The following RGPD2 variants were observed in gnomAD, a reference collection of about 807,000 sequenced individuals.
RGPD2 encodes the protein RANBP2 like and GRIP domain containing 2, also known as RANBP2-like and GRIP domain-containing protein 2.
Under a neutral mutation model 36.0 loss-of-function variants are expected in RGPD2, and 2 were observed. The ratio of observed to expected loss-of-function variants is 0.06; its 90% CI spans 0.02 to 0.17. RGPD2 has a LOEUF of 0.17. Ranked by LOEUF, RGPD2 falls within the 10% of genes least tolerant of loss-of-function variation. RGPD2 has a pLI of 1.00. For synonymous variants in RGPD2, 19 were observed against 163.8 expected (o/e 0.12, Z 6.75); for missense variants, 40 against 464.3 (o/e 0.09, Z 8.40).
chr2:87,974,507 C>T, the RGPD2 span, among the ~76,000 whole-genome samples: 1 of 152,222 alleles, frequency 6.6e-6, no homozygotes, highest in African/African-American at 2.4e-5. Flanking sequence ...CTTTTCTCCT[C>T]CCTTGGTTTA....
chr2:87,877,337 G>A, the RGPD2 span, among the ~76,000 whole-genome samples: 2 of 152,344 alleles, frequency 1.3e-5, no homozygotes, highest in African/African-American at 4.8e-5. Flanking sequence ...GTAGTGTTTG[G>A]TAATGGTTTC....
chr2:87,913,208 C>G, the RGPD2 span, among the ~76,000 whole-genome samples: 5 of 151,920 alleles, frequency 3.3e-5, no homozygotes, highest in Admixed American at 3.3e-4. Flanking sequence ...GAATACTATG[C>G]AGCCATAAAA....
intron 1 of RGPD2, among the ~76,000 whole-genome samples, 146 bp downstream of exon 1, chr2:87,825,483 CGCCGCCGCCCGGCCGAGGCCGAGGCCGAG>C (rs1257202234): frequency 0.064 from 5,439 of 84,884 alleles, 641 homozygotes; most frequent in Non-Finnish European, 0.082. Context: ...CCGTCGCCGC[CGCCGCCGCCCGGCCGAGGCCGAGGCCGAG>C]GCCGCCGCCC....
chr2:87,825,533 G>A (rs1218026986), intron 1 of RGPD2, 125 bp downstream of exon 1: 1 of 498,680 alleles, frequency 2.0e-6, no homozygotes, highest in Admixed American at 2.8e-4. Context: ...GGCCGAGGCC[G>A]AGGCCGAGGC....
the RGPD2 span, among the ~76,000 whole-genome samples, chr2:87,957,784 G>A: frequency 1.9e-4 from 29 of 152,244 alleles, no homozygotes; most frequent in Admixed American, 9.8e-4. Context: ...GTTTATTGTT[G>A]TGCATTTTTG....
At chr2:87,761,073 GCTCA>G (rs1318573063) in intron 22 of RGPD2, among the ~76,000 whole-genome samples, 3 of 55,546 alleles carry the variant, frequency 5.4e-5, no homozygotes, top group Non-Finnish European at 1.0e-4. Context: ...ATCTCTTTGA[GCTCA>G]CTGATTCTTT....
the RGPD2 span, among the ~76,000 whole-genome samples, chr2:87,877,876 A>G: frequency 7.0e-6 from 1 of 143,214 alleles, no homozygotes; most frequent in East Asian, 2.3e-4. Flanking sequence ...TGGCTTTTAG[A>G]GTTTCTGCTG....
the RGPD2 span, among the ~76,000 whole-genome samples, chr2:87,886,900 C>T: frequency 1.3e-5 from 2 of 151,778 alleles, no homozygotes; most frequent in Non-Finnish European, 2.9e-5. Flanking sequence ...AGAGGTTAAG[C>T]ATGTACCCAA....
At chr2:87,947,323 A>G in the RGPD2 span, among the ~76,000 whole-genome samples, 4 of 151,982 alleles carry the variant, frequency 2.6e-5, no homozygotes, top group African/African-American at 9.7e-5. Context: ...GCCTCAAATA[A>G]TGGGGTTAAA....
At chr2:87,988,541 A>ATATATTTTTT in the RGPD2 span, among the ~76,000 whole-genome samples, 4 of 54,152 alleles carry the variant, frequency 7.4e-5, no homozygotes, top group African/African-American at 1.3e-4. Flanking sequence ...ATATATATAT[A>ATATATTTTTT]TTTTTTTTTT....
the RGPD2 span, among the ~76,000 whole-genome samples, chr2:87,973,507 T>C: frequency 7.4e-6 from 1 of 135,654 alleles, no homozygotes; most frequent in Admixed American, 7.8e-5. Context: ...GATGGGTTAC[T>C]TGCCCACCAG....
the RGPD2 span, among the ~76,000 whole-genome samples, chr2:87,853,758 CT>C: frequency 2.6e-5 from 4 of 151,604 alleles, no homozygotes; most frequent in African/African-American, 9.7e-5. Context: ...TGTATTTCTC[CT>C]AGTGTAAAAT....
the RGPD2 span, among the ~76,000 whole-genome samples, chr2:87,915,334 A>G: frequency 0.013 from 1,438 of 110,470 alleles, 67 homozygotes; most frequent in African/African-American, 0.046. Context: ...TATATATTGT[A>G]TATATAATGT....
At chr2:87,896,696 T>C in the RGPD2 span, among the ~76,000 whole-genome samples, 238 of 56,600 alleles carry the variant, frequency 4.2e-3, no homozygotes, top group South Asian at 0.014. Context: ...AACATAATAA[T>C]TGGCTTGGTA....
At chr2:87,964,953 G>C in the RGPD2 span, among the ~76,000 whole-genome samples, 3 of 151,978 alleles carry the variant, frequency 2.0e-5, no homozygotes, top group Non-Finnish European at 2.9e-5. Flanking sequence ...TAGTTCTCTT[G>C]ATTAATCCTT....
the RGPD2 span, among the ~76,000 whole-genome samples, chr2:87,844,497 A>G: frequency 6.7e-6 from 1 of 148,952 alleles, no homozygotes; most frequent in African/African-American, 2.4e-5. Context: ...TGCCTATTAT[A>G]TATTTCAGTG....
rs759131489 is a variant in RGPD2, at chr2:87,825,682, C to G, written c.48G>C (p.Gln16His). Residue 16 changes from glutamine (Q) to histidine (H), a missense_variant, in exon 1 of 23, where the codon CAG becomes CAC. Physicochemically the swap from Gln to His is conservative, Grantham distance 24 (BLOSUM62 0). Transcript: ENST00000398146. The part of the protein sequence containing the change: ...AYGERYLASV[Q>H]GSAPSPGKKL... Reference sequence around the variant, plus strand: ...CCTTTCCAGGCGACGGGGCGGAGCCCTGCACCGAGGCGAGGTACCGCTCCC... The same window carrying G: ...CCTTTCCAGGCGACGGGGCGGAGCCGTGCACCGAGGCGAGGTACCGCTCCC... The G allele has an allele frequency of 4.5e-5, 72 of 1,597,590 alleles. No individual in the cohort carries two copies. In the South Asian group the frequency reaches 8.2e-4, roughly 18 times the overall value.
At chr2:87,837,243 C>T in the RGPD2 span, among the ~76,000 whole-genome samples, 1 of 151,344 alleles carries the variant, frequency 6.6e-6, no homozygotes, top group Non-Finnish European at 1.5e-5. Context: ...CTCTACCAAA[C>T]CTTCCACCCA....
chr2:87,825,485 C>G (rs1415472222), intron 1 of RGPD2, among the ~76,000 whole-genome samples, 173 bp downstream of exon 1: 1 of 84,728 alleles, frequency 1.2e-5, no homozygotes, highest in Non-Finnish European at 2.6e-5. Context: ...GTCGCCGCCG[C>G]CGCCGCCCGG....
Sources: gnomAD v4.1 joint callset for allele counts (sites outside exome capture counted in the v4.1 genomes callset) on GRCh38, gnomAD v4.1.1 for gene constraint, MANE v1.5 for transcripts, NCBI Gene and HGNC (gene_info 2026-07-23, HGNC 2026-07-21) for gene names.